LENG8: variants seen among roughly 807,000 people sequenced by gnomAD.
LENG8 encodes the protein leukocyte receptor cluster (LRC) member 8.
A neutral mutation model predicts 102.1 loss-of-function variants in LENG8; 28 were observed. That is an observed-to-expected ratio of 0.27 (90% CI 0.20 to 0.38). The LOEUF (loss-of-function observed/expected upper bound fraction) is 0.38, where lower values mean the gene tolerates loss of function less well. Ranked by LOEUF, LENG8 falls within the 10% of genes least tolerant of loss-of-function variation. The pLI, the probability that LENG8 is intolerant of heterozygous loss-of-function variation, is 1.00. For missense variants in LENG8, 1,022 were observed against 1,113.9 expected (o/e 0.92, Z 1.17); for synonymous variants, 531 against 456.7 (o/e 1.16, Z -2.07).
In LENG8 at chr19:54,461,687, G is replaced by A; in HGVS notation, c.*759G>A. The stretch of plus-strand genomic sequence containing the variant: ...CCCTTGGTTCAGCACAGGTAAAACG[G>A]TTCCCCTCCCTCCCTGCCTTCATGG... On this transcript the variant is annotated 3_prime_UTR_variant, in exon 16 of 16. Coordinates refer to ENST00000326764, the MANE Select transcript of LENG8 (RefSeq NM_052925.4). The A allele has an allele frequency of 2.1e-6, 1 of 485,608 alleles. No homozygotes were observed. The highest frequency in any genetic ancestry group is 3.2e-4 in the Middle Eastern group (1 of 3,144). The allele number at this position is 485,608 out of a possible 1,614,324, so 30.1% of individuals were successfully genotyped here.
intron 1 of LENG8, 55 bp from the exon 2 acceptor site, chr19:54,451,235 G>C (rs1448753082): frequency 6.1e-6 from 7 of 1,139,578 alleles, no homozygotes; most frequent in Middle Eastern, 3.9e-4. Flanking sequence ...TCCCCACTTT[G>C]TGACGTGTTT....
chr19:54,450,134 A>C (rs2083889461), intron 1 of LENG8, among the ~76,000 whole-genome samples: 1 of 152,100 alleles, frequency 6.6e-6, no homozygotes, highest in African/African-American at 2.4e-5. Context: ...TAATTCGTTG[A>C]ACATGTTTTG....
intron 15 of LENG8, chr19:54,458,938 A>T: frequency 6.6e-7 from 1 of 1,515,148 alleles, no homozygotes. Flanking sequence ...GTCTACCAGG[A>T]CAAGGCCCAG....
chr19:54,455,711 T>C, intron 8 of LENG8, 144 bp downstream of exon 8: 2 of 821,224 alleles, frequency 2.4e-6, no homozygotes, highest in Admixed American at 2.3e-5. Flanking sequence ...GGGGATGAAG[T>C]CCTGGTTGGA....
At chr19:54,456,267 G>A (rs1380127736) in intron 9 of LENG8, 22 bp downstream of exon 9, 3 of 1,613,984 alleles carry the variant, frequency 1.9e-6, no homozygotes, top group Non-Finnish European at 2.5e-6. Context: ...CCCGGCTGGG[G>A]CTGTGTGTGA....
intron 10 of LENG8, 26 bp downstream of exon 10, chr19:54,456,491 A>C (rs368982177): frequency 1.3e-6 from 2 of 1,587,180 alleles, no homozygotes; most frequent in Non-Finnish European, 1.7e-6. Flanking sequence ...GGCTCGACAC[A>C]CGGGCCAGGG....
chr19:54,459,352 G>A (rs961530032), intron 15 of LENG8: 7 of 998,778 alleles, frequency 7.0e-6, no homozygotes, highest in Non-Finnish European at 7.2e-6. Context: ...AGCCTGGCCA[G>A]GTGGCTGTCC....
rs185390994 is a variant in LENG8, at chr19:54,452,851, T to G, written c.315+99T>G. 1.3e-5 allele frequency: 11 copies of G among 823,026 alleles called. No individual in the cohort carries two copies. The Admixed American group carries it at 2.3e-4, about 17-fold the overall frequency. The allele number at this position is 823,026 out of a possible 1,614,324, so 51.0% of individuals were successfully genotyped here. A position where few individuals can be genotyped will look rare whatever the true frequency, so the allele number is the denominator to read the frequency against. The stretch of plus-strand genomic sequence containing the variant: ...TGCCGGGATGGGGCTGGGTGGTGGA[T>G]GGACTGGAGATCGCAGTGATAACTG... On this transcript the variant is annotated intron_variant, in intron 4 of 15. Transcript: ENST00000326764.
At chr19:54,450,108 C>G (rs190068982) in intron 1 of LENG8, among the ~76,000 whole-genome samples, 3 of 152,328 alleles carry the variant, frequency 2.0e-5, no homozygotes, top group Admixed American at 1.3e-4. Context: ...TTCCAATTCT[C>G]TCTGTACCCC....
At position 54,452,035 on chromosome 19, in the gene LENG8, T is replaced by G. The variant is rs1599956062; in HGVS notation, c.39-58T>G. On this transcript the variant is annotated intron_variant, in intron 2 of 15. Transcript: ENST00000326764. ...AGGGGCTGGAATTTGCCTCCCAACT[T>G]GCCCACCTGTGTACAGTGGGGAGAA... 4 of 1,516,822 alleles carry G rather than the reference T, an allele frequency of 2.6e-6. No individual in the cohort carries two copies. The East Asian group carries it at 9.1e-5, about 35-fold the overall frequency. The allele number at this position is 1,516,822 out of a possible 1,614,324, so 94.0% of individuals were successfully genotyped here.
chr19:54,455,485 A>G lies in LENG8; in HGVS notation c.943A>G (p.Lys315Glu), dbSNP rs766320588. 2.5e-6 allele frequency: 4 copies of G among 1,614,070 alleles called. No individual in the cohort carries two copies. Among genetic ancestry groups the G allele is most frequent in the East Asian group, 2.2e-5 (1 of 44,868 alleles). Residue 315 changes from lysine (K) to glutamate (E), a missense_variant, in exon 8 of 16, where the codon AAG becomes GAG. By Grantham distance (56) the Lys-to-Glu change is moderately conservative. Around this residue, in one of 7 missense-constraint regions of LENG8, gnomAD observed 24 missense variants for 47.9 expected, o/e 0.50. Coordinates refer to ENST00000326764, the MANE Select transcript of LENG8 (RefSeq NM_052925.4). ...GGAGGAGGACAAGGACCGCACGGAA[A>G]AGCTGCTCAAGGAGGTGCTGCAGGC... ...ESEEDKDRTE[K>E]LLKEVLQARL...
rs2123163010 is a variant in LENG8, at chr19:54,457,415, A to T, written c.1732-332A>T. ...GAGTGCAATGGCGTGATCTTGGCTC[A>T]CCGCAGCCTCCGCTCCCCGGCTTCA... On this transcript the variant is annotated intron_variant, in intron 11 of 15. Transcript: ENST00000326764. Among the ~76,000 whole-genome samples, 2 of 152,244 alleles carry T rather than the reference A, an allele frequency of 1.3e-5. 1 individual carries two copies. The highest frequency in any genetic ancestry group is 4.1e-4 in the South Asian group (2 of 4,830).
Position 54,456,018 on chromosome 19 carries a change from C to T in LENG8, c.1077C>T (p.Ala359=), listed in dbSNP as rs1335626498. ...AESPKKKRWE[A]ASSLHPPRGA... ...GCCCTAAGAAGAAGCGGTGGGAGGC[C>T]GCTAGCAGCCTTCACCCTCCTAGAG... Residue 359 remains alanine, a synonymous_variant, in exon 9 of 16, where the codon GCC becomes GCT. Coordinates refer to ENST00000326764, the MANE Select transcript of LENG8 (RefSeq NM_052925.4). 8.7e-6 allele frequency: 14 copies of T among 1,612,988 alleles called. No individual in the cohort carries two copies. The highest frequency in any genetic ancestry group is 5.3e-5 in the African/African-American group (4 of 75,012).
chr19:54,461,196 C>T lies in LENG8; in HGVS notation c.*268C>T. 1 of 672,316 alleles carries T rather than the reference C, an allele frequency of 1.5e-6. No individual in the cohort carries two copies. The highest frequency in any genetic ancestry group is 2.7e-6 in the Non-Finnish European group (1 of 365,942). The allele number at this position is 672,316 out of a possible 1,614,324, so 41.6% of individuals were successfully genotyped here. ...GCATGGTCTGCAGGCTCATCTGTGTCCGCCTTTCACTCCACTAATGCTGTC... is the reference window on the plus strand; with the variant it reads ...GCATGGTCTGCAGGCTCATCTGTGTTCGCCTTTCACTCCACTAATGCTGTC... On this transcript the variant is annotated 3_prime_UTR_variant, in exon 16 of 16. Transcript: ENST00000326764.
In LENG8 at chr19:54,458,210, C is replaced by T. The variant is rs1454101432; in HGVS notation, c.2010C>T (p.Tyr670=). 3.1e-6 allele frequency: 5 copies of T among 1,614,130 alleles called. No individual in the cohort carries two copies. Among genetic ancestry groups the T allele is most frequent in the Non-Finnish European group, 4.2e-6 (5 of 1,180,050 alleles). The change falls in exon 14 of 16, where the codon TAC becomes TAT. Residue 670 remains tyrosine (Y), a synonymous_variant. Transcript: ENST00000326764. ...GEFTAYRILY[Y]IFTKNSGDIT... Reference sequence around the variant, plus strand: ...TTACTGCCTACCGAATCCTCTACTACATCTTCACCAAGAACTCGGGAGGTG... The same window carrying T: ...TTACTGCCTACCGAATCCTCTACTATATCTTCACCAAGAACTCGGGAGGTG...
chr19:54,458,596 C>T (rs747215171), intron 15 of LENG8, 75 bp downstream of exon 15: 2 of 1,595,252 alleles, frequency 1.3e-6, no homozygotes, highest in Non-Finnish European at 1.7e-6. Flanking sequence ...AGACCAGCTC[C>T]TGGCCGCAGG....
chr19:54,461,575 G>A lies in LENG8; in HGVS notation c.*647G>A, dbSNP rs2084562428. The A allele has an allele frequency of 2.1e-6, 1 of 472,320 alleles. No homozygotes were observed. 29.3% of individuals were successfully genotyped at this position (472,320 alleles called of 1,614,324 possible). On this transcript the variant is annotated 3_prime_UTR_variant, in exon 16 of 16. Transcript: ENST00000326764. Reference sequence around the variant, plus strand: ...GCCGCCTCGTCTCAAGTTGTATAAAGTTGTCTCCGTGTCCCCTCCTCCCTC... The same window carrying A: ...GCCGCCTCGTCTCAAGTTGTATAAAATTGTCTCCGTGTCCCCTCCTCCCTC...
rs1569290755 is a variant in LENG8 at position 54,452,759 on chromosome 19, GC to G, written c.315+10del. 2 of 1,605,402 alleles carry G rather than the reference GC, an allele frequency of 1.2e-6. No homozygotes were observed. Among genetic ancestry groups the G allele is most frequent in the South Asian group, 2.2e-5 (2 of 90,862 alleles). ...CAGCTACTACTATCCCATGGTGAGT[GC>G]CCAGCCAGTGGGGCGGGGCAGGGCG... is the stretch of plus-strand genomic sequence containing the variant. On this transcript the variant is annotated splice_region_variant and intron_variant, in intron 4 of 15. Transcript: ENST00000326764.
At position 54,451,017 on chromosome 19, in the gene LENG8, C is replaced by G. The variant is rs10407171; in HGVS notation, c.-55-273C>G. 1.9e-3 allele frequency among the ~76,000 whole-genome samples: 295 copies of G among 152,256 alleles called. 2 individuals are homozygous for G. The highest frequency in any genetic ancestry group is 6.8e-3 in the African/African-American group (283 of 41,550). ...TCTTTGCTCACATGGGTTTCAGACC[C>G]TTCTCCTTCCCTTTGGGAAGTCTGC... On this transcript the variant is annotated intron_variant, in intron 1 of 15. Coordinates refer to ENST00000326764, the MANE Select transcript of LENG8 (RefSeq NM_052925.4).
Sources: gnomAD v4.1 joint callset for allele counts (sites outside exome capture counted in the v4.1 genomes callset) on GRCh38, gnomAD v4.1.1 for gene constraint, gnomAD v4.1.1 regional missense constraint, MANE v1.5 for transcripts, NCBI Gene and HGNC (gene_info 2026-07-23, HGNC 2026-07-21) for gene names.